Variants in CLMN observed in about 807,000 individuals in gnomAD.
CLMN encodes calmin (calponin-like, transmembrane).
In CLMN, 57 loss-of-function variants were observed where a neutral mutation model predicts 92.7. The observed-to-expected ratio is 0.61, with a 90% CI of 0.50 to 0.77. The LOEUF (loss-of-function observed/expected upper bound fraction) is 0.77. CLMN is among the 30% of genes least tolerant of loss of function. The pLI is 0.00. For synonymous variants in CLMN, 466 were observed against 470.6 expected, an observed-to-expected ratio of 0.99 and a Z score of 0.13; for missense variants, 1,158 against 1,237.5, an observed-to-expected ratio of 0.94 and a Z score of 0.96.
rs1385220252 is a variant in CLMN, at chr14:95,191,932, G to A, written c.2841-200C>T. 4 of 488,420 alleles carry A rather than the reference G, an allele frequency of 8.2e-6. No homozygotes were observed. The East Asian group carries it at 1.3e-4, about 16-fold the overall frequency. The allele number at this position is 488,420 out of a possible 1,614,324, so 30.3% of individuals were successfully genotyped here. On this transcript the variant is annotated intron_variant, in intron 12 of 12. Transcript: ENST00000298912. The surrounding 1 kb of genome is among the most constrained non-coding windows in gnomAD (Gnocchi z 5.3). ...TCGGGCCATCCAGGCAGCCCCTCGA[G>A]CTTTTGCACGTACTCCGTTCATCTC...
At position 95,210,874 on chromosome 14, in the gene CLMN, C is replaced by A; in HGVS notation, c.614G>T (p.Gly205Val). ...GCCCGCAAAGTCCTGCACCGCCACGCCATACCTGAAGGAAAAACAGCAGCG... is the reference window on the plus strand; with the variant it reads ...GCCCGCAAAGTCCTGCACCGCCACGACATACCTGAAGGAAAAACAGCAGCG... Reference protein sequence around the residue: ...AWVQRKTRKYGVAVQDFAGSW... With the variant: ...AWVQRKTRKYVVAVQDFAGSW... Residue 205 changes from glycine to valine, a missense_variant, in exon 7 of 13, where the codon GGC becomes GTC. Coordinates refer to ENST00000298912, the MANE Select transcript of CLMN (RefSeq NM_024734.4). 6.6e-7 allele frequency: 1 copy of A among 1,505,074 alleles called. No individual in the cohort carries two copies. The highest frequency in any genetic ancestry group is 1.3e-5 in the South Asian group (1 of 76,086). The allele number at this position is 1,505,074 out of a possible 1,614,324, so 93.2% of individuals were successfully genotyped here.
chr14:95,317,757 T>C (rs116458592), intron 1 of CLMN, among the ~76,000 whole-genome samples: 3,424 of 152,258 alleles, frequency 0.022, 153 homozygotes, highest in African/African-American at 0.079. Flanking sequence ...CCATCTAGGG[T>C]ACTGGAAATC....
chr14:95,263,624 T>C (rs2140706371), intron 1 of CLMN, among the ~76,000 whole-genome samples: 1 of 152,278 alleles, frequency 6.6e-6, no homozygotes, highest in East Asian at 1.9e-4. Context: ...ACTTGGAATA[T>C]GAATTCACAG....
At chr14:95,261,101 C>T (rs1899233682) in intron 1 of CLMN, among the ~76,000 whole-genome samples, 1 of 151,940 alleles carries the variant, frequency 6.6e-6, no homozygotes, top group South Asian at 2.1e-4. Context: ...TGTATTTTCT[C>T]CGCAAGGAAC....
chr14:95,272,792 T>G (rs147955605), intron 1 of CLMN, among the ~76,000 whole-genome samples: 1 of 152,182 alleles, frequency 6.6e-6, no homozygotes, highest in Admixed American at 6.5e-5. Context: ...AAAATAATTG[T>G]AAGTTGTTTC....
chr14:95,285,071 G>A (rs1402913974), intron 1 of CLMN, among the ~76,000 whole-genome samples: 1 of 152,136 alleles, frequency 6.6e-6, no homozygotes, highest in African/African-American at 2.4e-5. Context: ...TATTCTCATG[G>A]TAATGATTAA....
At chr14:95,309,403 G>C (rs1258259599) in intron 1 of CLMN, among the ~76,000 whole-genome samples, 2 of 152,156 alleles carry the variant, frequency 1.3e-5, no homozygotes, top group Non-Finnish European at 2.9e-5. Context: ...ACAAGGATTA[G>C]AACAGAGATG....
At chr14:95,213,102 T>C in intron 6 of CLMN, 117 bp downstream of exon 6, 1 of 1,135,900 alleles carries the variant, frequency 8.8e-7, no homozygotes, top group Non-Finnish European at 1.3e-6. Context: ...TCTGATATTC[T>C]ATATGAAGCA....
intron 1 of CLMN, among the ~76,000 whole-genome samples, chr14:95,268,271 C>T (rs746224807): frequency 5.9e-5 from 9 of 151,614 alleles, no homozygotes; most frequent in Admixed American, 3.9e-4. Context: ...ATTGCACATA[C>T]CCTGAAAATA....
chr14:95,221,792 A>G lies in CLMN; in HGVS notation c.241-18T>C. On this transcript the variant is annotated intron_variant, in intron 3 of 12. Transcript: ENST00000298912. ...TCGTGCAGCTATAAAACAGAACAGAACAAAACAAGCACATTAAACCCGCAC... is the reference window on the plus strand; with the variant it reads ...TCGTGCAGCTATAAAACAGAACAGAGCAAAACAAGCACATTAAACCCGCAC... 1 of 1,612,756 alleles carries G rather than the reference A, an allele frequency of 6.2e-7. No homozygotes were observed. Among genetic ancestry groups the G allele is most frequent in the Non-Finnish European group, 8.5e-7 (1 of 1,179,016 alleles).
rs551374396 is a variant in CLMN at position 95,194,141 on chromosome 14, G to A, written c.2770-222C>T. 55 of 1,411,916 alleles carry A rather than the reference G, an allele frequency of 3.9e-5. No individual in the cohort carries two copies. In the African/African-American group the frequency reaches 5.1e-4, roughly 13 times the overall value. The allele number at this position is 1,411,916 out of a possible 1,614,324, so 87.5% of individuals were successfully genotyped here. ...GTGAGTGCGAGAGACCCCACCACCC[G>A]GAACCCGGATTGGGGTGTGCTGCTC... On this transcript the variant is annotated intron_variant, in intron 11 of 12. Transcript: ENST00000298912. The surrounding 1 kb of genome is among the most constrained non-coding windows in gnomAD (Gnocchi z 4.0).
rs745707820 is a variant in CLMN at position 95,193,817 on chromosome 14, A to G, written c.2840+32T>C. On this transcript the variant is annotated intron_variant, in intron 12 of 12. Coordinates refer to ENST00000298912, the MANE Select transcript of CLMN (RefSeq NM_024734.4). ...CAGAATGTAAAAACATTTTATTACT[A>G]CCCCCACAAAACCTGAAGTAAAGCC... The G allele has an allele frequency of 1.9e-6, 3 of 1,610,764 alleles. No homozygotes were observed. The East Asian group carries it at 6.7e-5, about 36-fold the overall frequency.
chr14:95,242,409 C>A (rs1283809101), intron 1 of CLMN, among the ~76,000 whole-genome samples: 1 of 151,358 alleles, frequency 6.6e-6, no homozygotes, highest in Admixed American at 6.6e-5. Flanking sequence ...CAGGCATGCA[C>A]CGCCATGCCT....
intron 8 of CLMN, among the ~76,000 whole-genome samples, chr14:95,207,453 A>G (rs1026256823): frequency 2.6e-5 from 4 of 152,192 alleles, no homozygotes; most frequent in Admixed American, 2.6e-4. Context: ...CTGCAATACA[A>G]TACCAGAACT....
intron 9 of CLMN, among the ~76,000 whole-genome samples, chr14:95,200,531 G>A (rs1896848132): frequency 6.6e-6 from 1 of 152,152 alleles, no homozygotes; most frequent in Admixed American, 6.5e-5. Context: ...CATGGCCAAT[G>A]TGGTTTCGGA....
In CLMN at chr14:95,202,993, G is replaced by T. The variant is rs564627911; in HGVS notation, c.2356C>A (p.Pro786Thr). The T allele has an allele frequency of 9.9e-6, 16 of 1,614,096 alleles. No homozygotes were observed. The African/African-American group carries it at 2.0e-4, about 20-fold the overall frequency. The change falls in exon 9 of 13, where the codon CCA (proline) becomes ACA (threonine). Residue 786 changes from proline to threonine, a missense_variant. Physicochemically the swap from Pro to Thr is conservative, Grantham distance 38 (BLOSUM62 -1). Coordinates refer to ENST00000298912, the MANE Select transcript of CLMN (RefSeq NM_024734.4). ...GSQSSSSSSV[P>T]GESLPSASDQ... ...CTGGCACTGGGGAGGCTCTCTCCTG[G>T]CACCGAGGAACTGGAGCTGCTCTGA...
rs5810718 is a variant in CLMN, at chr14:95,274,978, C to CAAA, written c.82+44730_82+44732dup. On this transcript the variant is annotated intron_variant, in intron 1 of 12. Coordinates refer to ENST00000298912, the MANE Select transcript of CLMN (RefSeq NM_024734.4). The stretch of plus-strand genomic sequence containing the variant: ...CTGACGACAGGGCAACACTCTGTCT[C>CAAA]AAAAAAAAAAAAAAAAAAAGTCACT... Among the ~76,000 whole-genome samples the CAAA allele has an allele frequency of 1.1e-3, 85 of 76,344 alleles. 1 individual carries two copies. The highest frequency in any genetic ancestry group is 1.6e-3 in the African/African-American group (37 of 22,458). 50.1% of individuals were successfully genotyped at this position (76,344 alleles called of 152,430 possible). A position where few individuals can be genotyped will look rare whatever the true frequency, so the allele number is the denominator to read the frequency against.
intron 9 of CLMN, 147 bp downstream of exon 9, chr14:95,202,691 T>C (rs1287012062): frequency 7.3e-6 from 6 of 824,358 alleles, no homozygotes. Context: ...AGCCTCACAG[T>C]AGGTGCCTCT....
intron 1 of CLMN, among the ~76,000 whole-genome samples, chr14:95,245,205 ATATTATATATATATATATAT>A (rs1898446300): frequency 4.2e-5 from 1 of 23,828 alleles, no homozygotes; most frequent in Non-Finnish European, 6.3e-5. Flanking sequence ...ATATATATAT[ATATTATATATATATATATAT>A]TATATATATA....
Sources: gnomAD v4.1 joint callset for allele counts (sites outside exome capture counted in the v4.1 genomes callset) on GRCh38, gnomAD v4.1.1 for gene constraint, Gnocchi (gnomAD v3.1) non-coding constraint, MANE v1.5 for transcripts, NCBI Gene and HGNC (gene_info 2026-07-23, HGNC 2026-07-21) for gene names.